The following PRR5 variants were observed in gnomAD, a reference collection of about 807,000 sequenced individuals.
The protein encoded by PRR5 is proline rich 5.
Under a neutral mutation model 30.6 loss-of-function variants are expected in PRR5, and 25 were observed. The observed-to-expected ratio is 0.82, with a 90% CI of 0.60 to 1.14. PRR5 has a LOEUF of 1.14. Ranked by LOEUF, PRR5 falls within the 50% of genes most tolerant of loss-of-function variation. The pLI, the probability that PRR5 is intolerant of heterozygous loss-of-function variation, is 0.00. For missense variants in PRR5, 600 were observed against 547.1 expected, an observed-to-expected ratio of 1.10 and a Z score of -0.96; for synonymous variants, 286 against 247.1, an observed-to-expected ratio of 1.16 and a Z score of -1.48.
intron 7 of PRR5, among the ~76,000 whole-genome samples, chr22:44,736,363 T>TC (rs1160292120): frequency 6.6e-6 from 1 of 152,032 alleles, no homozygotes; most frequent in Admixed American, 6.5e-5. Flanking sequence ...CCTCCCACCA[T>TC]CCCCTTGGAC....
intron 6 of PRR5, 29 bp from the exon 7 acceptor site, chr22:44,734,998 C>T: frequency 6.2e-7 from 1 of 1,604,700 alleles, no homozygotes; most frequent in Admixed American, 1.7e-5. Flanking sequence ...GGTGCATGAC[C>T]CCCTACCCCC....
At chr22:44,721,478 A>G (rs1335711936) in intron 2 of PRR5, among the ~76,000 whole-genome samples, 1 of 152,204 alleles carries the variant, frequency 6.6e-6, no homozygotes, top group Admixed American at 6.5e-5. Flanking sequence ...TTATACTCCT[A>G]TGCAAATGAA....
upstream of PRR5, among the ~76,000 whole-genome samples, chr22:44,674,423 G>A (rs892236395): frequency 3.3e-5 from 5 of 152,032 alleles, 1 homozygote; most frequent in South Asian, 4.2e-4. Flanking sequence ...ATCGCCTGAG[G>A]TCAAGAGTTC....
At chr22:44,692,481 T>G (rs1329715096) in intron 1 of PRR5, among the ~76,000 whole-genome samples, 1 of 123,138 alleles carries the variant, frequency 8.1e-6, no homozygotes, top group Non-Finnish European at 1.7e-5. Flanking sequence ...TCCCGGGGGC[T>G]CCTCCTCCCA....
chr22:44,684,913 C>T (rs1375221933), intron 1 of PRR5, among the ~76,000 whole-genome samples: 1 of 152,206 alleles, frequency 6.6e-6, no homozygotes, highest in Non-Finnish European at 1.5e-5. Flanking sequence ...CCCTTTACTG[C>T]CCTCTTGTGG....
At chr22:44,673,031 T>C (rs1031562575), upstream of PRR5, among the ~76,000 whole-genome samples, 3 of 152,260 alleles carry the variant, frequency 2.0e-5, no homozygotes, top group Admixed American at 6.5e-5. Flanking sequence ...GCTCATTTTC[T>C]GGAAGGTTCT....
In PRR5 at chr22:44,737,335, C is replaced by T; in HGVS notation, c.*88C>T. The T allele has an allele frequency of 6.7e-7, 1 of 1,492,428 alleles. No homozygotes were observed. Among genetic ancestry groups the T allele is most frequent in the African/African-American group, 1.4e-5 (1 of 71,758 alleles). The allele number at this position is 1,492,428 out of a possible 1,614,324, so 92.4% of individuals were successfully genotyped here. ...CGTGTGTGTGAGTGAGACTTTTTTA[C>T]TGCGTCCCGTCCCGCCAGCCCTATC... On this transcript the variant is annotated 3_prime_UTR_variant, in exon 8 of 8. Coordinates refer to ENST00000336985, the MANE Select transcript of PRR5 (RefSeq NM_181333.4).
chr22:44,729,137 G>A (rs1220683708), intron 4 of PRR5, among the ~76,000 whole-genome samples: 1 of 152,170 alleles, frequency 6.6e-6, no homozygotes, highest in African/African-American at 2.4e-5. Context: ...AACCCGGTAT[G>A]GGTCACGTGA....
chr22:44,699,874 T>C (rs755231919), upstream of PRR5, among the ~76,000 whole-genome samples: 1 of 152,198 alleles, frequency 6.6e-6, no homozygotes, highest in African/African-American at 2.4e-5. Flanking sequence ...GTTTTCATTC[T>C]TTTCAGAGAC....
rs1028752870 is a variant in PRR5 at position 44,691,463 on chromosome 22, ACTC to A, written c.-10-11023_-10-11021del. Among the ~76,000 whole-genome samples, 3 of 151,632 alleles carry A rather than the reference ACTC, an allele frequency of 2.0e-5. No homozygotes were observed. The highest frequency in any genetic ancestry group is 2.0e-4 in the East Asian group (1 of 5,102). ...AGTGCCCCTGGCACGCCTGGAGCTG[ACTC>A]CTCCTGCCCCTGTGAAGAGTTGGGG... On this transcript the variant is annotated intron_variant, in intron 1 of 8. Coordinates refer to the PRR5 transcript ENST00000006251. This position sits in a 1 kb window ranked among gnomAD's most constrained non-coding sequence, Gnocchi z 4.4.
In PRR5 at chr22:44,714,587, C is replaced by G. The variant is rs778257326; in HGVS notation, c.135-4C>G. 6.2e-7 allele frequency: 1 copy of G among 1,612,894 alleles called. No homozygotes were observed. ...CTGCAGTGTTTTCTTCCCTCTGCCC[C>G]CAGCATCCACAACGGGGTGATCGCC... On this transcript the variant is annotated splice_region_variant and splice_polypyrimidine_tract_variant and intron_variant, in intron 1 of 7. Coordinates refer to ENST00000336985, the MANE Select transcript of PRR5 (RefSeq NM_181333.4).
chr22:44,737,310 C>CGT lies in PRR5; in HGVS notation c.*71_*72dup, dbSNP rs1453026080. 3.3e-6 allele frequency: 5 copies of CGT among 1,532,942 alleles called. No homozygotes were observed. Among genetic ancestry groups the CGT allele is most frequent in the Non-Finnish European group, 4.4e-6 (5 of 1,138,002 alleles). The allele number at this position is 1,532,942 out of a possible 1,614,324, so 95.0% of individuals were successfully genotyped here. ...CCTGTGTGCGGGGGTGTCCATGTGG[C>CGT]GTGTGTGTGAGTGAGACTTTTTTAC... is the stretch of plus-strand genomic sequence containing the variant. On this transcript the variant is annotated 3_prime_UTR_variant, in exon 8 of 8. Transcript: ENST00000336985.
In PRR5 at chr22:44,693,290, CCT is replaced by C. The variant is rs372608263; in HGVS notation, c.-10-9201_-10-9200del. Among the ~76,000 whole-genome samples the C allele has an allele frequency of 2.6e-4, 39 of 152,108 alleles. 1 individual carries two copies. Among genetic ancestry groups the C allele is most frequent in the African/African-American group, 9.4e-4 (39 of 41,526 alleles). Reference sequence around the variant, plus strand: ...ACCAGCCTTGGCAACATAGAAAGACCCTGTCTCTACCAAAAATACAAACTAGT... The same window carrying C: ...ACCAGCCTTGGCAACATAGAAAGACCGTCTCTACCAAAAATACAAACTAGT... On this transcript the variant is annotated intron_variant, in intron 1 of 8. Transcript: ENST00000006251.
intron 1 of PRR5, among the ~76,000 whole-genome samples, chr22:44,692,218 G>T (rs1202536280): frequency 7.9e-6 from 1 of 126,104 alleles, no homozygotes; most frequent in Non-Finnish European, 1.7e-5. Flanking sequence ...CCTCCACCAG[G>T]GGCTCCTCCA....
At chr22:44,711,162 G>A (rs1268722292) in intron 1 of PRR5, among the ~76,000 whole-genome samples, 4 of 152,198 alleles carry the variant, frequency 2.6e-5, no homozygotes, top group Admixed American at 2.6e-4. Flanking sequence ...GCAGGTGTTC[G>A]CTGGCAGGTG....
At chr22:44,692,538 G>T (rs1381887955) in intron 1 of PRR5, among the ~76,000 whole-genome samples, 1 of 128,834 alleles carries the variant, frequency 7.8e-6, no homozygotes, top group Non-Finnish European at 1.7e-5. Flanking sequence ...CCTCCTCCCG[G>T]GGGCTCCTCC....
At chr22:44,733,117 T>C (rs1922531160) in intron 6 of PRR5, among the ~76,000 whole-genome samples, 1 of 152,260 alleles carries the variant, frequency 6.6e-6, no homozygotes, top group Non-Finnish European at 1.5e-5. Context: ...GGGTCAGCTC[T>C]GGGGAAGACA....
At chr22:44,679,802 G>A (rs777285618) in intron 1 of PRR5, 3 of 1,597,730 alleles carry the variant, frequency 1.9e-6, no homozygotes, top group Non-Finnish European at 2.6e-6. Context: ...ATAGAGCCAT[G>A]GTGTGTTTGG....
At chr22:44,734,837 A>G in intron 6 of PRR5, 190 bp from the exon 7 acceptor site, 2 of 724,056 alleles carry the variant, frequency 2.8e-6, no homozygotes, top group Admixed American at 2.9e-5. Flanking sequence ...CAGCAGAGTG[A>G]CTCAGGCCAC....
Sources: gnomAD v4.1 joint callset for allele counts (sites outside exome capture counted in the v4.1 genomes callset) on GRCh38, gnomAD v4.1.1 for gene constraint, Gnocchi (gnomAD v3.1) non-coding constraint, MANE v1.5 for transcripts, NCBI Gene and HGNC (gene_info 2026-07-23, HGNC 2026-07-21) for gene names.